The following ROBO2 variants were observed in gnomAD, a reference collection of about 807,000 sequenced individuals.
The protein encoded by ROBO2 is roundabout homolog 2.
Under a neutral mutation model 160.8 loss-of-function variants are expected in ROBO2, and 53 were observed. The ratio of observed to expected loss-of-function variants is 0.33; its 90% CI spans 0.26 to 0.41. The LOEUF is 0.41. Among genes scored for constraint, ROBO2 ranks in the 10% least tolerant of loss-of-function variants. The pLI, the probability that ROBO2 is intolerant of heterozygous loss-of-function variation, is 1.00. For missense variants in ROBO2, 1,577 were observed against 1,722.4 expected, an observed-to-expected ratio of 0.92 and a Z score of 1.49; for synonymous variants, 664 against 611.7, an observed-to-expected ratio of 1.09 and a Z score of -1.26.
At chr3:77,155,652 A>G (rs1210268148) in intron 2 of ROBO2, among the ~76,000 whole-genome samples, 1 of 152,064 alleles carries the variant, frequency 6.6e-6, no homozygotes, top group Non-Finnish European at 1.5e-5. Flanking sequence ...ACGAATACAC[A>G]TGATAGTTAT....
chr3:76,449,352 G>T (rs1228337212), intron 2 of ROBO2, among the ~76,000 whole-genome samples: 1 of 152,034 alleles, frequency 6.6e-6, no homozygotes, highest in Non-Finnish European at 1.5e-5. Flanking sequence ...ATACTCCACT[G>T]TGTAGAACAC....
At chr3:77,075,590 A>G (rs915787512) in intron 1 of ROBO2, among the ~76,000 whole-genome samples, 1 of 151,672 alleles carries the variant, frequency 6.6e-6, no homozygotes, top group Non-Finnish European at 1.5e-5. Flanking sequence ...TTGCATTTAA[A>G]TGTTGATATA....
intron 2 of ROBO2, among the ~76,000 whole-genome samples, chr3:76,916,627 C>T (rs1036839495): frequency 1.3e-5 from 2 of 151,164 alleles, no homozygotes; most frequent in African/African-American, 4.8e-5. Context: ...ACGAGAGACA[C>T]CACACTGGGC....
At chr3:77,537,333 T>C (rs759383133) in intron 6 of ROBO2, among the ~76,000 whole-genome samples, 16 of 152,190 alleles carry the variant, frequency 1.1e-4, no homozygotes, top group Non-Finnish European at 1.8e-4. Flanking sequence ...AATCTCACCA[T>C]CAACAAATTC....
intron 2 of ROBO2, among the ~76,000 whole-genome samples, chr3:77,217,581 T>C (rs1302818839): frequency 6.6e-6 from 1 of 152,236 alleles, no homozygotes; most frequent in East Asian, 1.9e-4. Context: ...AGTTCTTTAT[T>C]TTGTCCTAGT....
chr3:76,440,306 T>C (rs1454272998), intron 2 of ROBO2, among the ~76,000 whole-genome samples: 2 of 152,060 alleles, frequency 1.3e-5, no homozygotes, highest in African/African-American at 4.8e-5. Flanking sequence ...AACGTGCAGG[T>C]TTGTTACATA....
intron 2 of ROBO2, among the ~76,000 whole-genome samples, chr3:77,228,089 T>C (rs2086704966): frequency 6.6e-6 from 1 of 152,204 alleles, no homozygotes; most frequent in African/African-American, 2.4e-5. Flanking sequence ...ACTAAGATGC[T>C]TCTTTAGAGA....
chr3:76,231,548 A>G (rs1380980220), intron 2 of ROBO2, among the ~76,000 whole-genome samples: 2 of 152,142 alleles, frequency 1.3e-5, no homozygotes, highest in Non-Finnish European at 2.9e-5. Flanking sequence ...AGTTTCATTT[A>G]CTATCTCCTG....
chr3:76,365,000 C>T (rs570482472), intron 2 of ROBO2, among the ~76,000 whole-genome samples: 1 of 152,186 alleles, frequency 6.6e-6, no homozygotes, highest in South Asian at 2.1e-4. Flanking sequence ...CTGAATGCCA[C>T]TCTGTTTTCT....
chr3:77,080,681 AG>A (rs1213521159), intron 1 of ROBO2, among the ~76,000 whole-genome samples: 2 of 152,148 alleles, frequency 1.3e-5, no homozygotes, highest in African/African-American at 4.8e-5. Context: ...AGAACTGGAA[AG>A]CTCTCTTCAG....
At chr3:77,411,382 T>C (rs368766610) in intron 2 of ROBO2, among the ~76,000 whole-genome samples, 44 of 152,326 alleles carry the variant, frequency 2.9e-4, no homozygotes, top group Middle Eastern at 3.4e-3. Context: ...TGTAAATCTA[T>C]ATTTCAGATA....
At chr3:77,259,491 TATAA>T (rs2058644069) in intron 2 of ROBO2, among the ~76,000 whole-genome samples, 1 of 152,112 alleles carries the variant, frequency 6.6e-6, no homozygotes, top group African/African-American at 2.4e-5. Flanking sequence ...GAGGTTGTGT[TATAA>T]ATAATGATTA....
chr3:77,558,356 A>G (rs1490531720), intron 9 of ROBO2, among the ~76,000 whole-genome samples: 1 of 152,138 alleles, frequency 6.6e-6, no homozygotes, highest in African/African-American at 2.4e-5. Flanking sequence ...TTCATAACAG[A>G]ATCTCGAAAC....
intron 2 of ROBO2, among the ~76,000 whole-genome samples, chr3:76,793,793 C>T (rs2063517601): frequency 6.6e-6 from 1 of 151,882 alleles, no homozygotes; most frequent in South Asian, 2.1e-4. Context: ...CATTCCCTCA[C>T]CTCTTATTCT....
chr3:76,360,551 G>A (rs1351329050), intron 2 of ROBO2, among the ~76,000 whole-genome samples: 1 of 152,012 alleles, frequency 6.6e-6, no homozygotes, highest in Non-Finnish European at 1.5e-5. Context: ...GCTTAGTAAG[G>A]GAAGGAGAGG....
At chr3:77,041,465 C>G (rs1478902940) in intron 1 of ROBO2, among the ~76,000 whole-genome samples, 1 of 152,182 alleles carries the variant, frequency 6.6e-6, no homozygotes, top group African/African-American at 2.4e-5. Context: ...TTAGCTCAGT[C>G]CCCAGTGGGC....
intron 2 of ROBO2, among the ~76,000 whole-genome samples, chr3:77,288,339 G>C (rs1419690378): frequency 6.6e-6 from 1 of 152,164 alleles, no homozygotes; most frequent in Non-Finnish European, 1.5e-5. Context: ...CTTCTCTGTA[G>C]AGTAGTTGAT....
intron 2 of ROBO2, among the ~76,000 whole-genome samples, chr3:76,735,461 T>C (rs141231633): frequency 3.3e-4 from 50 of 152,188 alleles, no homozygotes; most frequent in Admixed American, 1.2e-3. Context: ...CAGCGGGGCA[T>C]GGGTTAAAAA....
At chr3:75,973,031 A>G (rs2065039584) in intron 2 of ROBO2, among the ~76,000 whole-genome samples, 1 of 151,712 alleles carries the variant, frequency 6.6e-6, no homozygotes, top group Admixed American at 6.6e-5. Flanking sequence ...ACTTCACTCA[A>G]ATTTAAGCTA....
Sources: gnomAD v4.1 joint callset for allele counts (sites outside exome capture counted in the v4.1 genomes callset) on GRCh38, gnomAD v4.1.1 for gene constraint, MANE v1.5 for transcripts, NCBI Gene and HGNC (gene_info 2026-07-23, HGNC 2026-07-21) for gene names.